The following CCDC60 variants were observed in gnomAD, a reference collection of about 807,000 sequenced individuals.
CCDC60 encodes the protein coiled-coil domain containing 60.
A neutral mutation model predicts 63.5 loss-of-function variants in CCDC60; 54 were observed. The observed-to-expected ratio is 0.85, with a 90% CI of 0.68 to 1.07. The LOEUF (loss-of-function observed/expected upper bound fraction) is 1.07, where lower values mean the gene tolerates loss of function less well. Among genes scored for constraint, CCDC60 ranks in the 50% least tolerant of loss-of-function variants. The pLI, the probability that CCDC60 is intolerant of heterozygous loss-of-function variation, is 0.00. For missense variants in CCDC60, 651 were observed against 684.3 expected, an observed-to-expected ratio of 0.95 and a Z score of 0.54; for synonymous variants, 206 against 238.8, an observed-to-expected ratio of 0.86 and a Z score of 1.27.
chr12:119,434,730 C>T (rs375651415), intron 2 of CCDC60, among the ~76,000 whole-genome samples: 1 of 152,062 alleles, frequency 6.6e-6, no homozygotes, highest in African/African-American at 2.4e-5. Flanking sequence ...GTACCAAAGT[C>T]AGAACAAGCT....
chr12:119,395,733 G>A (rs1956240381), intron 1 of CCDC60, among the ~76,000 whole-genome samples: 1 of 152,190 alleles, frequency 6.6e-6, no homozygotes, highest in Non-Finnish European at 1.5e-5. Flanking sequence ...CAAAACAGCA[G>A]ACATTTATTC....
chr12:119,421,041 T>TC (rs1324563818), intron 1 of CCDC60, among the ~76,000 whole-genome samples: 2 of 139,564 alleles, frequency 1.4e-5, no homozygotes, highest in Non-Finnish European at 3.1e-5. Context: ...CAGCCTCCCT[T>TC]CCCCGCTCAC....
intron 1 of CCDC60, among the ~76,000 whole-genome samples, chr12:119,368,761 C>T (rs1243121828): frequency 1.1e-4 from 17 of 152,172 alleles, no homozygotes. Flanking sequence ...CATGACAATC[C>T]CTGCTCGTAA....
chr12:119,467,813 G>A (rs906960490), intron 2 of CCDC60, among the ~76,000 whole-genome samples: 1 of 152,222 alleles, frequency 6.6e-6, no homozygotes, highest in African/African-American at 2.4e-5. Context: ...AAATCCTCAT[G>A]TGTGAAGTTA....
chr12:119,439,744 ACT>A (rs1180878996), intron 2 of CCDC60, among the ~76,000 whole-genome samples: 1 of 152,042 alleles, frequency 6.6e-6, no homozygotes, highest in African/African-American at 2.4e-5. Flanking sequence ...CATCCCAGAG[ACT>A]CTTAGTGCAC....
At chr12:119,393,727 G>A (rs1236752071) in intron 1 of CCDC60, among the ~76,000 whole-genome samples, 1 of 152,190 alleles carries the variant, frequency 6.6e-6, no homozygotes, top group Non-Finnish European at 1.5e-5. Flanking sequence ...GCCCACACCT[G>A]GACAGGCTTC....
intron 1 of CCDC60, among the ~76,000 whole-genome samples, chr12:119,371,132 C>T (rs1326400749): frequency 6.6e-6 from 1 of 152,214 alleles, no homozygotes; most frequent in Non-Finnish European, 1.5e-5. Context: ...TACCTGATTC[C>T]ATTTCTTGAG....
At chr12:119,535,946 C>G (rs1952991829) in intron 13 of CCDC60, among the ~76,000 whole-genome samples, 1 of 152,130 alleles carries the variant, frequency 6.6e-6, no homozygotes. Flanking sequence ...TGGTGCAGAG[C>G]TGAGTTCAAG....
In CCDC60 at chr12:119,397,553, C is replaced by G. The variant is rs968158410; in HGVS notation, c.91-31130C>G. Among the ~76,000 whole-genome samples the G allele has an allele frequency of 7.3e-5, 11 of 151,010 alleles. No individual in the cohort carries two copies. The East Asian group carries it at 1.4e-3, about 19-fold the overall frequency. Reference sequence around the variant, plus strand: ...AGCTGATTGGTGCATCCATGAACCCCGAGCTAGACACAGAGTGCTGATTGT... The same window carrying G: ...AGCTGATTGGTGCATCCATGAACCCGGAGCTAGACACAGAGTGCTGATTGT... On this transcript the variant is annotated intron_variant, in intron 1 of 13. Coordinates refer to ENST00000327554, the MANE Select transcript of CCDC60 (RefSeq NM_178499.5).
chr12:119,509,940 C>A (rs970522196), intron 7 of CCDC60, among the ~76,000 whole-genome samples: 1 of 152,104 alleles, frequency 6.6e-6, no homozygotes, highest in Non-Finnish European at 1.5e-5. Context: ...AAAAAATAAA[C>A]GATGGACCAA....
chr12:119,351,992 A>C (rs1565966567), intron 1 of CCDC60, among the ~76,000 whole-genome samples: 1 of 152,218 alleles, frequency 6.6e-6, no homozygotes, highest in Non-Finnish European at 1.5e-5. Context: ...ATAAAGAACT[A>C]CCTGAGATTA....
intron 1 of CCDC60, among the ~76,000 whole-genome samples, chr12:119,345,584 C>T (rs1257529423): frequency 6.6e-6 from 1 of 151,980 alleles, no homozygotes; most frequent in African/African-American, 2.4e-5. Context: ...AAGGGAGGTA[C>T]CTCTCAAGAC....
At chr12:119,467,720 T>A (rs941248134) in intron 2 of CCDC60, among the ~76,000 whole-genome samples, 2 of 152,246 alleles carry the variant, frequency 1.3e-5, no homozygotes, top group Non-Finnish European at 2.9e-5. Flanking sequence ...TAAAGTGGCA[T>A]GACAATGAAA....
intron 1 of CCDC60, among the ~76,000 whole-genome samples, chr12:119,351,653 A>G (rs917855951): frequency 2.0e-5 from 3 of 152,216 alleles, no homozygotes; most frequent in African/African-American, 7.2e-5. Flanking sequence ...TTAGTGCTAA[A>G]CCATTCATGA....
intron 2 of CCDC60, among the ~76,000 whole-genome samples, chr12:119,455,946 AAAGG>A (rs1355599805): frequency 2.6e-5 from 3 of 115,586 alleles, no homozygotes; most frequent in Non-Finnish European, 3.7e-5. Context: ...AAAGAGAGAG[AAAGG>A]AAGGAAGGAG....
rs1566019561 is a variant in CCDC60, at chr12:119,456,051, G to GC, written c.171-15943_171-15942insC. On this transcript the variant is annotated intron_variant, in intron 2 of 13. Transcript: ENST00000327554. This position sits in a 1 kb window ranked among gnomAD's most constrained non-coding sequence, Gnocchi z 4.6. ...AGAAAGAAAGAAAGAAAGAAAGAAA[G>GC]AAAGAAAGAAAGCAAGCAAGCATGT... Among the ~76,000 whole-genome samples the GC allele has an allele frequency of 1.7e-3, 251 of 145,086 alleles. 8 individuals carry two copies. Among genetic ancestry groups the GC allele is most frequent in the East Asian group, 8.1e-3 (37 of 4,570 alleles).
chr12:119,492,283 A>G (rs1397011389), intron 5 of CCDC60, among the ~76,000 whole-genome samples: 1 of 152,158 alleles, frequency 6.6e-6, no homozygotes, highest in African/African-American at 2.4e-5. Context: ...GACAATGCCA[A>G]TTTCCACGGT....
chr12:119,492,971 A>T (rs142602427), intron 5 of CCDC60, among the ~76,000 whole-genome samples: 10 of 152,266 alleles, frequency 6.6e-5, no homozygotes, highest in African/African-American at 2.4e-4. Flanking sequence ...AACAGGTGAG[A>T]CCTATGTTCA....
rs1405441063 is a variant in CCDC60, at chr12:119,456,075, G to A, written c.171-15919G>A. On this transcript the variant is annotated intron_variant, in intron 2 of 13. Coordinates refer to ENST00000327554, the MANE Select transcript of CCDC60 (RefSeq NM_178499.5). This position sits in a 1 kb window ranked among gnomAD's most constrained non-coding sequence, Gnocchi z 4.6. Reference sequence around the variant, plus strand: ...AGAAAGAAAGAAAGCAAGCAAGCATGTGCAATTTCAAGGGGGTAGAGAGAT... The same window carrying A: ...AGAAAGAAAGAAAGCAAGCAAGCATATGCAATTTCAAGGGGGTAGAGAGAT... Among the ~76,000 whole-genome samples the A allele has an allele frequency of 1.3e-5, 2 of 150,324 alleles. No individual in the cohort carries two copies. Among genetic ancestry groups the A allele is most frequent in the Non-Finnish European group, 1.5e-5 (1 of 67,574 alleles).
Sources: allele counts gnomAD v4.1 joint callset (sites outside exome capture counted in the v4.1 genomes callset), GRCh38; gene constraint gnomAD v4.1.1; non-coding constraint Gnocchi (gnomAD v3.1); transcripts MANE v1.5; gene names NCBI Gene and HGNC (gene_info 2026-07-23, HGNC 2026-07-21).